CACNA1C: variants seen among roughly 807,000 people sequenced by gnomAD.
The protein encoded by CACNA1C is calcium voltage-gated channel subunit alpha1 C.
A neutral mutation model predicts 229.0 loss-of-function variants in CACNA1C; 30 were observed. The ratio of observed to expected loss-of-function variants is 0.13; its 90% CI spans 0.10 to 0.18. CACNA1C has a LOEUF of 0.18. CACNA1C is among the 10% of genes least tolerant of loss of function. CACNA1C has a pLI of 1.00. For synonymous variants in CACNA1C, 1,114 were observed against 1,132.5 expected, an observed-to-expected ratio of 0.98 and a Z score of 0.33; for missense variants, 1,658 against 2,845.0, an observed-to-expected ratio of 0.58 and a Z score of 9.49.
chr12:2,013,379 C>T (rs1278410473), intron 1 of CACNA1C, among the ~76,000 whole-genome samples: 1 of 152,220 alleles, frequency 6.6e-6, no homozygotes, highest in African/African-American at 2.4e-5. Context: ...AAGAGTCATA[C>T]TTAGTTCCAG....
At chr12:2,052,096 G>A (rs2052371010), upstream of CACNA1C, among the ~76,000 whole-genome samples, 1 of 152,220 alleles carries the variant, frequency 6.6e-6, no homozygotes. Context: ...GTTGCAGGGA[G>A]TGATGGAGGG....
intron 1 of CACNA1C, among the ~76,000 whole-genome samples, chr12:1,980,265 G>A (rs1442910289): frequency 6.6e-6 from 1 of 152,190 alleles, no homozygotes; most frequent in Non-Finnish European, 1.5e-5. Flanking sequence ...TGATGCAGTG[G>A]AGTACTACAC....
At chr12:2,483,221 G>T (rs116326758) in intron 5 of CACNA1C, among the ~76,000 whole-genome samples, 144 of 152,360 alleles carry the variant, frequency 9.5e-4, no homozygotes, top group African/African-American at 3.3e-3. Context: ...CAAGCCTAGG[G>T]TAAAAACTGG....
intron 3 of CACNA1C, among the ~76,000 whole-genome samples, chr12:2,148,308 G>C (rs2094910720): frequency 6.6e-6 from 1 of 151,236 alleles, no homozygotes. Flanking sequence ...CTGCCATGGA[G>C]ATGTTGATCC....
At chr12:2,005,911 A>G (rs2043322862) in intron 1 of CACNA1C, among the ~76,000 whole-genome samples, 1 of 152,242 alleles carries the variant, frequency 6.6e-6, no homozygotes, top group African/African-American at 2.4e-5. Context: ...CAAGAAGAAT[A>G]TCCACAATTG....
chr12:1,988,869 C>T (rs1303082627), intron 1 of CACNA1C, among the ~76,000 whole-genome samples: 2 of 152,144 alleles, frequency 1.3e-5, no homozygotes, highest in Non-Finnish European at 2.9e-5. Context: ...ACTGTCATTT[C>T]TTTTTTCATA....
chr12:2,551,324 A>C (rs1177407008), intron 10 of CACNA1C, among the ~76,000 whole-genome samples: 1 of 152,222 alleles, frequency 6.6e-6, no homozygotes, highest in Non-Finnish European at 1.5e-5. Context: ...GGAAGGAAAC[A>C]TGATATTCCC....
At chr12:2,175,795 A>G (rs2096628043) in intron 3 of CACNA1C, among the ~76,000 whole-genome samples, 1 of 152,254 alleles carries the variant, frequency 6.6e-6, no homozygotes, top group Admixed American at 6.5e-5. Flanking sequence ...CATGTGGCAG[A>G]AAAAGCAGGA....
intron 3 of CACNA1C, among the ~76,000 whole-genome samples, chr12:2,357,897 G>A (rs2097426523): frequency 6.6e-6 from 1 of 150,444 alleles, no homozygotes; most frequent in Admixed American, 6.6e-5. Context: ...CTTGAACCCA[G>A]GAGGTGGAGG....
intron 3 of CACNA1C, among the ~76,000 whole-genome samples, chr12:2,142,593 T>C (rs1035840570): frequency 4.0e-5 from 6 of 151,420 alleles, no homozygotes; most frequent in Admixed American, 6.6e-5. Flanking sequence ...AAGAAGGCAT[T>C]GTCATCTTAG....
intron 3 of CACNA1C, among the ~76,000 whole-genome samples, chr12:2,417,613 T>C (rs1427184700): frequency 1.3e-5 from 2 of 152,128 alleles, no homozygotes; most frequent in African/African-American, 2.4e-5. Flanking sequence ...TCCAGGCGGA[T>C]GACAAGGGAG....
intron 3 of CACNA1C, among the ~76,000 whole-genome samples, chr12:2,417,205 G>A (rs1275573692): frequency 1.3e-5 from 2 of 152,180 alleles, no homozygotes; most frequent in Non-Finnish European, 2.9e-5. Flanking sequence ...TCCATGCGTG[G>A]GGAGACTCCT....
At chr12:2,406,669 C>T (rs974081940) in intron 3 of CACNA1C, among the ~76,000 whole-genome samples, 46 of 152,108 alleles carry the variant, frequency 3.0e-4, no homozygotes, top group African/African-American at 1.1e-3. Flanking sequence ...TCTGCATTTC[C>T]ACGGTTTCAA....
At chr12:2,109,827 C>T (rs527555188) in intron 1 of CACNA1C, among the ~76,000 whole-genome samples, 1 of 152,076 alleles carries the variant, frequency 6.6e-6, no homozygotes, top group African/African-American at 2.4e-5. Flanking sequence ...GAACTTCTCC[C>T]CCATGGTTAC....
intron 13 of CACNA1C, among the ~76,000 whole-genome samples, chr12:2,570,825 A>G (rs1363806371): frequency 6.6e-6 from 1 of 152,200 alleles, no homozygotes; most frequent in East Asian, 1.9e-4. Context: ...TGAATCTCAG[A>G]TGAGGGACTT....
chr12:2,546,544 G>T (rs1334995732), intron 9 of CACNA1C, among the ~76,000 whole-genome samples: 10 of 143,986 alleles, frequency 6.9e-5, no homozygotes, highest in African/African-American at 2.6e-4. Context: ...CAGTAGCTGG[G>T]GTCTTCACAT....
chr12:2,191,752 TCACA>T (rs555307306), intron 3 of CACNA1C, among the ~76,000 whole-genome samples: 30 of 112,268 alleles, frequency 2.7e-4, no homozygotes, highest in Non-Finnish European at 4.1e-4. Flanking sequence ...ACACATGCAC[TCACA>T]CACAGGCACA....
rs766509412 is a variant in CACNA1C, at chr12:2,170,666, T to C, written c.477+50236T>C. 1.2e-4 allele frequency among the ~76,000 whole-genome samples: 18 copies of C among 152,384 alleles called. 1 individual carries two copies. Among genetic ancestry groups the C allele is most frequent in the Admixed American group, 5.2e-4 (8 of 15,310 alleles). Reference sequence around the variant, plus strand: ...CTCCCTGGGGAGTGCAGAGTGTGTCTAGAAGCCTGGGCTGGTAGGCCATGG... The same window carrying C: ...CTCCCTGGGGAGTGCAGAGTGTGTCCAGAAGCCTGGGCTGGTAGGCCATGG... On this transcript the variant is annotated intron_variant, in intron 3 of 46. Coordinates refer to ENST00000399655, the MANE Select transcript of CACNA1C (RefSeq NM_000719.7).
intron 38 of CACNA1C, among the ~76,000 whole-genome samples, chr12:2,671,372 A>T (rs2096562992): frequency 6.6e-6 from 1 of 152,204 alleles, no homozygotes; most frequent in South Asian, 2.1e-4. Context: ...TGGGAAGGAA[A>T]TGTGTTCGTA....
Sources: gnomAD v4.1 joint callset for allele counts (sites outside exome capture counted in the v4.1 genomes callset) on GRCh38, gnomAD v4.1.1 for gene constraint, MANE v1.5 for transcripts, NCBI Gene and HGNC (gene_info 2026-07-23, HGNC 2026-07-21) for gene names.